SAFB2: variants seen among roughly 807,000 people sequenced by gnomAD.
SAFB2 encodes scaffold attachment factor B2.
In SAFB2, 32 loss-of-function variants were observed where a neutral mutation model predicts 100.6. The ratio of observed to expected loss-of-function variants is 0.32; its 90% confidence interval spans 0.24 to 0.43. The LOEUF is 0.43. SAFB2 is among the 20% of genes least tolerant of loss of function. The pLI is 1.00. For synonymous variants in SAFB2, 500 were observed against 439.4 expected (o/e 1.14, Z -1.72); for missense variants, 1,185 against 1,163.4 (o/e 1.02, Z -0.27).
At chr19:5,601,155 A>T (rs2052648060) in intron 11 of SAFB2, among the ~76,000 whole-genome samples, 2 of 152,052 alleles carry the variant, frequency 1.3e-5, no homozygotes, top group Admixed American at 1.3e-4. Flanking sequence ...TTTAAAAAAA[A>T]TATATATATA....
At chr19:5,604,222 G>GT (rs1186432699) in intron 11 of SAFB2, among the ~76,000 whole-genome samples, 2 of 152,174 alleles carry the variant, frequency 1.3e-5, no homozygotes, top group Non-Finnish European at 2.9e-5. Flanking sequence ...ACCAGCCTTG[G>GT]TAACATGGCG....
chr19:5,613,599 G>A (rs186648001), intron 4 of SAFB2, 72 bp from the exon 5 acceptor site: 1 of 1,574,494 alleles, frequency 6.4e-7, no homozygotes, highest in African/African-American at 1.4e-5. Context: ...CCTCGCTTAG[G>A]CAACTTGTGT....
Position 5,604,945 on chromosome 19 carries a change from A to G in SAFB2, c.1297-9T>C, listed in dbSNP as rs760880299. 6.2e-7 allele frequency: 1 copy of G among 1,611,442 alleles called. No homozygotes were observed. Among genetic ancestry groups the G allele is most frequent in the Non-Finnish European group, 8.5e-7 (1 of 1,179,866 alleles). On this transcript the variant is annotated splice_polypyrimidine_tract_variant and intron_variant, in intron 9 of 20. Transcript: ENST00000252542. ...ACTTTGGCCCCGACAACCTTCATGA[A>G]AAAGGGCACTCTTACTCTCTCATAC...
intron 4 of SAFB2, among the ~76,000 whole-genome samples, chr19:5,613,918 C>T (rs149273942): frequency 4.5e-4 from 69 of 152,322 alleles, no homozygotes; most frequent in African/African-American, 1.6e-3. Context: ...TAACACTAAC[C>T]GGGCACTTTC....
chr19:5,616,140 C>G lies in SAFB2; in HGVS notation c.535G>C (p.Glu179Gln). ...GTCTCCAAGTTACCTACAGCATGCT[C>G]TGGGGGCTGAGCCGGGAGCTGTCTC... The part of the protein sequence containing the change: ...QLRQLPAQPP[E>Q]HAVDGEGFKN... The change falls in exon 4 of 21, where the codon GAG (glutamate) becomes CAG (glutamine). Residue 179 changes from glutamate to glutamine, a missense_variant. Physicochemically the swap from Glu to Gln is conservative, Grantham distance 29. Coordinates refer to ENST00000252542, the MANE Select transcript of SAFB2 (RefSeq NM_014649.3). 1 of 1,614,144 alleles carries G rather than the reference C, an allele frequency of 6.2e-7. No individual in the cohort carries two copies. Among genetic ancestry groups the G allele is most frequent in the Non-Finnish European group, 8.5e-7 (1 of 1,180,018 alleles).
chr19:5,615,986 A>G, intron 4 of SAFB2, 146 bp downstream of exon 4: 1 of 690,954 alleles, frequency 1.4e-6, no homozygotes, highest in Non-Finnish European at 2.4e-6. Context: ...CACAGCGTTT[A>G]AATGGACATG....
intron 18 of SAFB2, among the ~76,000 whole-genome samples, chr19:5,588,262 G>A (rs377695799): frequency 2.8e-4 from 42 of 152,078 alleles, no homozygotes; most frequent in Non-Finnish European, 4.3e-4. Context: ...AACACACACC[G>A]TGGAGGGTGC....
At chr19:5,603,173 T>A (rs771659719) in intron 11 of SAFB2, among the ~76,000 whole-genome samples, 13 of 152,076 alleles carry the variant, frequency 8.5e-5, no homozygotes, top group Non-Finnish European at 1.5e-5. Context: ...GAGGCTGAGG[T>A]GGGAGGTTCA....
chr19:5,591,690 C>T (rs56222752), intron 17 of SAFB2, 58 bp downstream of exon 17: 83,333 of 1,550,768 alleles, frequency 0.054, 3,238 homozygotes, highest in African/African-American at 0.19. Flanking sequence ...AGAAATGGTC[C>T]GCTATGCCTG....
chr19:5,607,066 C>T (rs932465046), intron 9 of SAFB2, among the ~76,000 whole-genome samples: 3 of 152,112 alleles, frequency 2.0e-5, no homozygotes, highest in African/African-American at 7.2e-5. Flanking sequence ...TCAAGACCAT[C>T]CTGACTAACA....
chr19:5,619,904 G>GT (rs1314293429), intron 2 of SAFB2, among the ~76,000 whole-genome samples: 1 of 150,906 alleles, frequency 6.6e-6, no homozygotes, highest in African/African-American at 2.4e-5. Context: ...ATTTTGAGTA[G>GT]TAAGTCTTGA....
At position 5,590,359 on chromosome 19, in the gene SAFB2, C is replaced by T. The variant is rs748574867; in HGVS notation, c.2444G>A (p.Gly815Asp). 9.9e-6 allele frequency: 16 copies of T among 1,611,766 alleles called. No homozygotes were observed. The highest frequency in any genetic ancestry group is 1.3e-5 in the Non-Finnish European group (15 of 1,179,350). ...HGHGGPPERH[G>D]RDSRDGWGGY... The stretch of plus-strand genomic sequence containing the variant: ...CCCCCAGCCATCACGGGAGTCCCGG[C>T]CGTGGCGCTCTGGGGGTCCTCCGTG... Residue 815 changes from glycine (G) to aspartate (D), a missense_variant, in exon 18 of 21, where the codon GGC becomes GAC. Physicochemically the swap from Gly to Asp is moderately conservative, Grantham distance 94 (BLOSUM62 -1). Around this residue, in one of 3 missense-constraint regions of SAFB2, gnomAD observed 740 missense variants for 687.1 expected, o/e 1.08. Transcript: ENST00000252542.
chr19:5,613,710 G>A (rs2052960680), intron 4 of SAFB2, 183 bp from the exon 5 acceptor site: 1 of 985,442 alleles, frequency 1.0e-6, no homozygotes, highest in East Asian at 1.1e-4. Context: ...CCACGACTCT[G>A]CTCCACCAGC....
At chr19:5,611,823 C>T in intron 6 of SAFB2, 193 bp from the exon 7 acceptor site, 1 of 682,586 alleles carries the variant, frequency 1.5e-6, no homozygotes, top group Non-Finnish European at 2.7e-6. Flanking sequence ...CTAGGTAAGC[C>T]TCTACGCTAC....
intron 11 of SAFB2, 79 bp from the exon 12 acceptor site, chr19:5,600,339 A>ACAAGACT: frequency 6.4e-7 from 1 of 1,557,506 alleles, no homozygotes. Flanking sequence ...CTCGACTCAC[A>ACAAGACT]CATACTCAGA....
At chr19:5,597,056 C>G (rs1017274116) in intron 13 of SAFB2, among the ~76,000 whole-genome samples, 10 of 152,104 alleles carry the variant, frequency 6.6e-5, no homozygotes, top group Non-Finnish European at 1.2e-4. Context: ...GCCTACGAGA[C>G]GGGCAGATGT....
At chr19:5,622,389 G>T in intron 1 of SAFB2, 141 bp downstream of exon 1, 1 of 744,864 alleles carries the variant, frequency 1.3e-6, no homozygotes, top group South Asian at 2.2e-5. Flanking sequence ...CCGGCCCCCT[G>T]GGTGCCCGAC....
At chr19:5,597,326 A>G (rs2052554109) in intron 13 of SAFB2, among the ~76,000 whole-genome samples, 1 of 152,192 alleles carries the variant, frequency 6.6e-6, no homozygotes, top group Non-Finnish European at 1.5e-5. Context: ...GCAAGTTTGG[A>G]AGATCAAGGC....
chr19:5,597,114 C>T lies in SAFB2; in HGVS notation c.1783-1617G>A, dbSNP rs548835095. Among the ~76,000 whole-genome samples the T allele has an allele frequency of 5.3e-5, 8 of 152,282 alleles. No homozygotes were observed. In the East Asian group the frequency reaches 1.2e-3, roughly 22 times the overall value. ...AAGGTGACAGATGCCCACATACCACCGCACAGTGGGCAGCACAGCAGGCAA... is the reference window on the plus strand; with the variant it reads ...AAGGTGACAGATGCCCACATACCACTGCACAGTGGGCAGCACAGCAGGCAA... On this transcript the variant is annotated intron_variant, in intron 13 of 20. Transcript: ENST00000252542.
Sources: gnomAD v4.1 joint callset for allele counts (sites outside exome capture counted in the v4.1 genomes callset) on GRCh38, gnomAD v4.1.1 for gene constraint, gnomAD v4.1.1 regional missense constraint, MANE v1.5 for transcripts, NCBI Gene and HGNC (gene_info 2026-07-23, HGNC 2026-07-21) for gene names.